RASGRF2: variants seen among roughly 807,000 people sequenced by gnomAD.
RASGRF2 encodes the protein ras-specific guanine nucleotide-releasing factor 2.
A neutral mutation model predicts 151.0 loss-of-function variants in RASGRF2; 76 were observed. The observed-to-expected ratio is 0.50, with a 90% CI of 0.42 to 0.61. The LOEUF (loss-of-function observed/expected upper bound fraction) is 0.61. Among genes scored for constraint, RASGRF2 ranks in the 20% least tolerant of loss-of-function variants. The pLI is 0.00. For synonymous variants in RASGRF2, 504 were observed against 566.5 expected, an observed-to-expected ratio of 0.89 and a Z score of 1.57; for missense variants, 1,148 against 1,564.6, an observed-to-expected ratio of 0.73 and a Z score of 4.49.
intron 2 of RASGRF2, among the ~76,000 whole-genome samples, chr5:81,056,938 C>G (rs1388160549): frequency 1.3e-5 from 2 of 152,114 alleles, no homozygotes; most frequent in Admixed American, 6.5e-5. Flanking sequence ...TTATCAGAGA[C>G]TAGGATTGCA....
intron 2 of RASGRF2, among the ~76,000 whole-genome samples, chr5:81,055,127 C>T (rs1318500397): frequency 6.6e-6 from 1 of 152,112 alleles, no homozygotes; most frequent in African/African-American, 2.4e-5. Context: ...TTTCTTTCTC[C>T]CACCTGATTG....
At chr5:81,025,389 G>A (rs1157825318) in intron 1 of RASGRF2, among the ~76,000 whole-genome samples, 1 of 152,186 alleles carries the variant, frequency 6.6e-6, no homozygotes, top group Non-Finnish European at 1.5e-5. Flanking sequence ...AAGCTCGTTG[G>A]AGCTCCTCAC....
chr5:81,057,971 G>C (rs1348786089), intron 2 of RASGRF2, among the ~76,000 whole-genome samples: 1 of 151,810 alleles, frequency 6.6e-6, no homozygotes, highest in Non-Finnish European at 1.5e-5. Context: ...ACTCCAGCCT[G>C]GGCAACAGAA....
At chr5:81,197,805 A>G (rs1755300536) in intron 18 of RASGRF2, among the ~76,000 whole-genome samples, 1 of 152,210 alleles carries the variant, frequency 6.6e-6, no homozygotes, top group Non-Finnish European at 1.5e-5. Context: ...ATATAAAGAT[A>G]TAGTCTATCA....
intron 17 of RASGRF2, among the ~76,000 whole-genome samples, chr5:81,139,279 A>G (rs1006861474): frequency 6.6e-6 from 1 of 152,096 alleles, no homozygotes; most frequent in Non-Finnish European, 1.5e-5. Flanking sequence ...TATTAGTTCT[A>G]CTAGGTTTGT....
intron 2 of RASGRF2, among the ~76,000 whole-genome samples, chr5:81,056,046 C>G (rs1042477579): frequency 4.6e-5 from 7 of 151,666 alleles, no homozygotes; most frequent in Non-Finnish European, 5.9e-5. Flanking sequence ...TGCTAGTGGT[C>G]TATCAATTTT....
chr5:81,004,678 T>G (rs1749206210), intron 1 of RASGRF2, among the ~76,000 whole-genome samples: 1 of 152,246 alleles, frequency 6.6e-6, no homozygotes, highest in Non-Finnish European at 1.5e-5. Flanking sequence ...TGAGGTGGTA[T>G]ACACAGCAAT....
intron 1 of RASGRF2, among the ~76,000 whole-genome samples, chr5:80,991,980 C>A (rs949617563): frequency 3.9e-5 from 6 of 152,038 alleles, no homozygotes; most frequent in African/African-American, 1.4e-4. Flanking sequence ...GATGAGATGT[C>A]CTGGGAAGAA....
Position 81,212,521 on chromosome 5 carries a change from C to T in RASGRF2, c.3312C>T (p.Ala1104=). 6.2e-7 allele frequency: 1 copy of T among 1,613,040 alleles called. No homozygotes were observed. Among genetic ancestry groups the T allele is most frequent in the Non-Finnish European group, 8.5e-7 (1 of 1,179,558 alleles). ...TCACCTCGGCCTTAAACAGAAGTGC[C>T]ATCTACAGGCTGAAGAAAACCTGGG... ...LEITSALNRS[A]IYRLKKTWAK... The change falls in exon 23 of 27, where the codon GCC becomes GCT. Residue 1104 remains alanine, a synonymous_variant. Coordinates refer to ENST00000265080, the MANE Select transcript of RASGRF2 (RefSeq NM_006909.3).
chr5:81,130,732 T>C (rs1186500734), intron 17 of RASGRF2, among the ~76,000 whole-genome samples: 1 of 121,388 alleles, frequency 8.2e-6, no homozygotes, highest in Non-Finnish European at 1.7e-5. Context: ...CCAGCCCGGA[T>C]GCATCCAGGT....
chr5:81,066,985 A>G (rs1236278274), intron 2 of RASGRF2, among the ~76,000 whole-genome samples: 1 of 152,204 alleles, frequency 6.6e-6, no homozygotes, highest in Non-Finnish European at 1.5e-5. Flanking sequence ...TCCAGCGTGC[A>G]CTTTCTCATG....
chr5:81,205,296 G>C (rs1218453039), intron 19 of RASGRF2, among the ~76,000 whole-genome samples: 1 of 152,194 alleles, frequency 6.6e-6, no homozygotes, highest in Admixed American at 6.5e-5. Flanking sequence ...CCCTTGAAGA[G>C]GTGCCTTCCC....
chr5:81,188,218 C>T (rs913444373), intron 18 of RASGRF2, among the ~76,000 whole-genome samples: 20 of 152,274 alleles, frequency 1.3e-4, no homozygotes, highest in Non-Finnish European at 2.5e-4. Context: ...CCTTAAAGAG[C>T]GGATCTTCTC....
At chr5:81,159,438 A>G (rs1045871870) in intron 17 of RASGRF2, among the ~76,000 whole-genome samples, 2 of 152,234 alleles carry the variant, frequency 1.3e-5, no homozygotes, top group Non-Finnish European at 1.5e-5. Flanking sequence ...TCCTGTGCTC[A>G]ATGAAAGAAT....
intron 2 of RASGRF2, among the ~76,000 whole-genome samples, chr5:81,045,149 G>A (rs1266844810): frequency 6.6e-6 from 1 of 152,182 alleles, no homozygotes; most frequent in Non-Finnish European, 1.5e-5. Flanking sequence ...GATGAAAGAA[G>A]CATCAAGCTG....
intron 20 of RASGRF2, 82 bp from the exon 21 acceptor site, chr5:81,207,164 C>T (rs1212972643): frequency 8.7e-7 from 1 of 1,154,060 alleles, no homozygotes; most frequent in East Asian, 2.4e-5. Flanking sequence ...TCCACACATG[C>T]AGCTGTCTGC....
intron 2 of RASGRF2, among the ~76,000 whole-genome samples, chr5:81,048,357 AT>A (rs34874741): frequency 0.16 from 24,954 of 151,954 alleles, 2,380 homozygotes; most frequent in East Asian, 0.37. Flanking sequence ...ATAATTCAAC[AT>A]TTTTTTTCCT....
At chr5:81,041,417 C>A (rs2112390912) in intron 1 of RASGRF2, among the ~76,000 whole-genome samples, 1 of 152,206 alleles carries the variant, frequency 6.6e-6, no homozygotes, top group South Asian at 2.1e-4. Context: ...ACATCTGTCA[C>A]TTTGTCTAAT....
intron 1 of RASGRF2, among the ~76,000 whole-genome samples, chr5:80,963,289 C>T (rs77687154): frequency 0.014 from 2,072 of 152,268 alleles, 43 homozygotes; most frequent in African/African-American, 0.044. Flanking sequence ...CTTCTTTCTC[C>T]TTATATGCTT....
Sources: gnomAD v4.1 joint callset for allele counts (sites outside exome capture counted in the v4.1 genomes callset) on GRCh38, gnomAD v4.1.1 for gene constraint, MANE v1.5 for transcripts, NCBI Gene and HGNC (gene_info 2026-07-23, HGNC 2026-07-21) for gene names.